The following TXLNB variants were observed in gnomAD, a reference collection of about 807,000 sequenced individuals.
The protein encoded by TXLNB is taxilin beta.
TXLNB carries 37 observed loss-of-function variants against 57.4 expected under a neutral mutation model. The ratio of observed to expected loss-of-function variants is 0.64; its 90% CI spans 0.50 to 0.85. TXLNB has a LOEUF of 0.85. Ranked by LOEUF, TXLNB falls within the 40% of genes least tolerant of loss-of-function variation. The probability of loss-of-function intolerance (pLI) is 0.00; values close to 1 mark genes in which losing one functional copy is unlikely to be tolerated. For missense variants in TXLNB, 848 were observed against 825.6 expected (o/e 1.03, Z -0.33); for synonymous variants, 302 against 309.6 (o/e 0.98, Z 0.26).
At chr6:139,189,120 G>A in the TXLNB span, among the ~76,000 whole-genome samples, 2 of 152,314 alleles carry the variant, frequency 1.3e-5, no homozygotes, top group East Asian at 3.8e-4. Flanking sequence ...TGGAATTGGG[G>A]TTTTAACAGT....
rs1022721085 is a variant in TXLNB, at chr6:139,240,373, G to A, written c.*2153C>T. 2.6e-5 allele frequency: 4 copies of A among 152,664 alleles called. No individual in the cohort carries two copies. The highest frequency in any genetic ancestry group is 7.2e-5 in the African/African-American group (3 of 41,452). The allele number at this position is 152,664 out of a possible 1,614,324, so 9.5% of individuals were successfully genotyped here. A position where few individuals can be genotyped will look rare whatever the true frequency, so the allele number is the denominator to read the frequency against. ...CTGAAACTCTGTCCAAGATATACAT[G>A]GCTGTGAGTAATGTGTTTCTGTGAA... On this transcript the variant is annotated 3_prime_UTR_variant, in exon 10 of 10. Coordinates refer to ENST00000358430, the MANE Select transcript of TXLNB (RefSeq NM_153235.4).
At chr6:139,200,519 T>A in the TXLNB span, among the ~76,000 whole-genome samples, 1 of 152,116 alleles carries the variant, frequency 6.6e-6, no homozygotes, top group Non-Finnish European at 1.5e-5. Flanking sequence ...AGGTATTTAA[T>A]AAGTAATTTT....
chr6:139,283,469 G>A (rs1251474592), intron 2 of TXLNB, among the ~76,000 whole-genome samples: 1 of 143,632 alleles, frequency 7.0e-6, no homozygotes, highest in Non-Finnish European at 1.5e-5. Context: ...CCAGCTACTT[G>A]GGAGGCTGAG....
chr6:139,290,312 G>A (rs188417684), intron 1 of TXLNB, among the ~76,000 whole-genome samples: 25 of 152,214 alleles, frequency 1.6e-4, no homozygotes, highest in Admixed American at 1.2e-3. Flanking sequence ...CTTGGGAGGC[G>A]GAGGCTGTAG....
the TXLNB span, among the ~76,000 whole-genome samples, chr6:139,225,551 A>C: frequency 1.3e-5 from 2 of 152,228 alleles, no homozygotes; most frequent in Non-Finnish European, 2.9e-5. Context: ...AGGAAGTGAA[A>C]TTTAAATAAC....
intron 6 of TXLNB, among the ~76,000 whole-genome samples, chr6:139,257,334 C>A (rs887206760): frequency 2.0e-5 from 3 of 151,994 alleles, no homozygotes; most frequent in African/African-American, 7.3e-5. Context: ...TTGTTTTTTG[C>A]CATTTGCTTG....
chr6:139,206,976 T>C, the TXLNB span, among the ~76,000 whole-genome samples: 1 of 152,084 alleles, frequency 6.6e-6, no homozygotes, highest in South Asian at 2.1e-4. Context: ...CTCCCAAATT[T>C]ATAAAATAAT....
the TXLNB span, among the ~76,000 whole-genome samples, chr6:139,317,789 G>A: frequency 6.6e-6 from 1 of 152,238 alleles, no homozygotes; most frequent in South Asian, 2.1e-4. Context: ...ATGATCCAAT[G>A]AAAGTTATAG....
intron 7 of TXLNB, among the ~76,000 whole-genome samples, chr6:139,250,535 C>G (rs1776178128): frequency 2.0e-5 from 3 of 151,970 alleles, no homozygotes; most frequent in Admixed American, 1.3e-4. Context: ...AACAACTACC[C>G]CCAGCAGATC....
At chr6:139,278,969 A>T (rs1226493690) in intron 2 of TXLNB, among the ~76,000 whole-genome samples, 1 of 152,208 alleles carries the variant, frequency 6.6e-6, no homozygotes, top group Non-Finnish European at 1.5e-5. Flanking sequence ...GCACCACTGC[A>T]CTCCACTGCA....
At position 139,282,774 on chromosome 6, in the gene TXLNB, T is replaced by A. The variant is rs771744338; in HGVS notation, c.424+5702A>T. 1.0e-4 allele frequency among the ~76,000 whole-genome samples: 15 copies of A among 145,644 alleles called. 3 individuals are homozygous for A. Among genetic ancestry groups the A allele is most frequent in the Non-Finnish European group, 1.7e-4 (11 of 65,462 alleles). ...TACCACTTTGGTCCTGCGATGTCAG[T>A]GACACAAAGTCCATCCCTTGCTTTA... On this transcript the variant is annotated intron_variant, in intron 2 of 9. Transcript: ENST00000358430.
At chr6:139,177,243 A>G in the TXLNB span, 1 of 584,510 alleles carries the variant, frequency 1.7e-6, no homozygotes, top group Non-Finnish European at 3.0e-6. This position sits in a 1 kb window ranked among gnomAD's most constrained non-coding sequence, Gnocchi z 4.9. Context: ...TGCCACTAAA[A>G]TAGGGGCTGC....
chr6:139,249,998 A>T (rs566563421), intron 7 of TXLNB, among the ~76,000 whole-genome samples: 3 of 151,850 alleles, frequency 2.0e-5, no homozygotes, highest in Non-Finnish European at 1.5e-5. Flanking sequence ...GGTGCATAAG[A>T]CAATGTTTAC....
chr6:139,215,720 C>T, the TXLNB span, among the ~76,000 whole-genome samples: 1 of 152,134 alleles, frequency 6.6e-6, no homozygotes, highest in African/African-American at 2.4e-5. Context: ...TTTTTGCAAC[C>T]TACTCATTGG....
intron 6 of TXLNB, 51 bp downstream of exon 6, chr6:139,260,267 C>G (rs531147463): frequency 6.3e-7 from 1 of 1,596,542 alleles, no homozygotes; most frequent in African/African-American, 1.4e-5. Context: ...CTCAGAGTGT[C>G]TCTGACACTG....
At chr6:139,160,100 C>T in the TXLNB span, among the ~76,000 whole-genome samples, 1 of 152,144 alleles carries the variant, frequency 6.6e-6, no homozygotes, top group East Asian at 1.9e-4. Context: ...TGACTGCAGC[C>T]TAGCTACCCT....
intron 4 of TXLNB, among the ~76,000 whole-genome samples, chr6:139,265,930 G>A (rs1048804959): frequency 6.6e-6 from 1 of 152,178 alleles, no homozygotes; most frequent in African/African-American, 2.4e-5. Flanking sequence ...CCCAAAAAAA[G>A]AGAGAGTCAG....
At chr6:139,316,205 C>G in the TXLNB span, among the ~76,000 whole-genome samples, 5 of 152,228 alleles carry the variant, frequency 3.3e-5, no homozygotes, top group Admixed American at 6.5e-5. Flanking sequence ...AAGCTTTAGT[C>G]AGGGTCCTGA....
At chr6:139,216,043 A>C in the TXLNB span, among the ~76,000 whole-genome samples, 6 of 152,288 alleles carry the variant, frequency 3.9e-5, no homozygotes, top group African/African-American at 1.4e-4. Context: ...AAACTAGTTC[A>C]ACCATTGTGG....
Sources: allele counts gnomAD v4.1 joint callset (sites outside exome capture counted in the v4.1 genomes callset), GRCh38; gene constraint gnomAD v4.1.1; non-coding constraint Gnocchi (gnomAD v3.1); transcripts MANE v1.5; gene names NCBI Gene and HGNC (gene_info 2026-07-23, HGNC 2026-07-21).